CADPS: variants seen among roughly 807,000 people sequenced by gnomAD.
The protein encoded by CADPS is calcium dependent secretion activator, also known as calcium-dependent secretion activator 1.
A neutral mutation model predicts 167.3 loss-of-function variants in CADPS; 57 were observed. The ratio of observed to expected loss-of-function variants is 0.34; its 90% CI spans 0.28 to 0.42. The LOEUF (loss-of-function observed/expected upper bound fraction) is 0.42. CADPS is among the 20% of genes least tolerant of loss of function. CADPS has a pLI of 1.00. For synonymous variants in CADPS, 676 were observed against 635.3 expected (o/e 1.06, Z -0.96); for missense variants, 1,414 against 1,738.1 (o/e 0.81, Z 3.32).
At chr3:62,756,933 G>A (rs1165761672) in intron 2 of CADPS, among the ~76,000 whole-genome samples, 1 of 152,054 alleles carries the variant, frequency 6.6e-6, no homozygotes, top group Non-Finnish European at 1.5e-5. Context: ...GGGGATTAGG[G>A]TTGTTGGTCT....
chr3:62,614,696 T>C (rs833630), intron 6 of CADPS, among the ~76,000 whole-genome samples: 109,124 of 151,952 alleles, frequency 0.72, 40,077 homozygotes, highest in East Asian at 0.95. Context: ...TATATGCATA[T>C]AATGTGTACA....
intron 9 of CADPS, among the ~76,000 whole-genome samples, chr3:62,563,072 T>C (rs1447137905): frequency 6.6e-6 from 1 of 152,196 alleles, no homozygotes; most frequent in Non-Finnish European, 1.5e-5. Flanking sequence ...CTGGATCTAG[T>C]CATGACAGAA....
At chr3:62,797,307 T>C (rs1157864590) in intron 1 of CADPS, among the ~76,000 whole-genome samples, 1 of 152,122 alleles carries the variant, frequency 6.6e-6, no homozygotes, top group Non-Finnish European at 1.5e-5. Flanking sequence ...GGTGTTTGGT[T>C]TCCTCATGGG....
intron 1 of CADPS, among the ~76,000 whole-genome samples, chr3:62,771,570 G>A (rs2152543512): frequency 6.6e-6 from 1 of 152,104 alleles, no homozygotes; most frequent in Middle Eastern, 3.4e-3. Context: ...CAAACAAATG[G>A]GCTTTGATGA....
intron 6 of CADPS, among the ~76,000 whole-genome samples, chr3:62,609,993 G>A (rs2061270828): frequency 6.6e-6 from 1 of 152,094 alleles, no homozygotes. Flanking sequence ...GGGAGCTGAG[G>A]TGGGAGAATC....
At chr3:62,646,860 C>T (rs1325362998) in intron 5 of CADPS, among the ~76,000 whole-genome samples, 1 of 152,196 alleles carries the variant, frequency 6.6e-6, no homozygotes, top group African/African-American at 2.4e-5. Context: ...AAACTCTGTA[C>T]AGGCCAATAT....
At chr3:62,610,809 C>T (rs1375069249) in intron 6 of CADPS, among the ~76,000 whole-genome samples, 1 of 151,822 alleles carries the variant, frequency 6.6e-6, no homozygotes, top group East Asian at 1.9e-4. Context: ...CTCATCTCCT[C>T]TCTAAACCTT....
At chr3:62,851,912 A>C (rs1458379722) in intron 1 of CADPS, among the ~76,000 whole-genome samples, 60 of 151,104 alleles carry the variant, frequency 4.0e-4, no homozygotes, top group Middle Eastern at 6.8e-3. Context: ...TCAGGTACAC[A>C]AATCAGACGT....
At chr3:62,748,344 C>CAAAAAAAAAAAAAAAAAAAAAAA (rs60942307) in intron 3 of CADPS, among the ~76,000 whole-genome samples, 6 of 48,494 alleles carry the variant, frequency 1.2e-4, no homozygotes, top group African/African-American at 3.5e-4. Flanking sequence ...GACTCCGTCT[C>CAAAAAAAAAAAAAAAAAAAAAAA]AAAAAAAAAA....
At chr3:62,840,710 T>C (rs534052413) in intron 1 of CADPS, among the ~76,000 whole-genome samples, 31 of 152,274 alleles carry the variant, frequency 2.0e-4, no homozygotes, top group African/African-American at 7.0e-4. Context: ...GCAGTAATAC[T>C]TTTTATAAAA....
intron 28 of CADPS, among the ~76,000 whole-genome samples, chr3:62,424,074 T>C (rs1432843757): frequency 6.6e-6 from 1 of 152,210 alleles, no homozygotes; most frequent in African/African-American, 2.4e-5. Context: ...GCTTTCAGAA[T>C]GTGCTTTGGG....
intron 13 of CADPS, among the ~76,000 whole-genome samples, chr3:62,521,281 G>T (rs553690040): frequency 6.6e-6 from 1 of 152,260 alleles, no homozygotes; most frequent in Admixed American, 6.5e-5. Flanking sequence ...TTGATTCAGG[G>T]TTCCTGATTT....
chr3:62,795,325 A>G (rs1288730679), intron 1 of CADPS, among the ~76,000 whole-genome samples: 61 of 151,750 alleles, frequency 4.0e-4, no homozygotes, highest in Non-Finnish European at 8.8e-5. Context: ...CACATTTTCT[A>G]TTTCCCCAGA....
Position 62,536,490 on chromosome 3 carries a change from T to C in CADPS, c.2058A>G (p.Gln686=), listed in dbSNP as rs1561820519. 1 of 1,613,432 alleles carries C rather than the reference T, an allele frequency of 6.2e-7. No homozygotes were observed. The highest frequency in any genetic ancestry group is 2.2e-5 in the East Asian group (1 of 44,842). ...TAAGTCTGTGATCCAAAGTAAGGCG[T>C]TGTACCATCTCAAAGAGGGAAGCGT... is the stretch of plus-strand genomic sequence containing the variant. The part of the protein sequence containing the change: ...FDHASLFEMV[Q]RLTLDHRLND... The change falls in exon 12 of 30, where the codon CAA becomes CAG. Residue 686 remains glutamine (Q), a synonymous_variant. Transcript: ENST00000383710.
Position 62,399,207 on chromosome 3 carries a change from T to G in CADPS, c.*199A>C. ...GTGCTCCATATTGCTTGTAAACATA[T>G]AGACATGGACATCAGGAAATCAGTG... is the stretch of plus-strand genomic sequence containing the variant. On this transcript the variant is annotated 3_prime_UTR_variant, in exon 30 of 30. Transcript: ENST00000383710. The surrounding 1 kb of genome is among the most constrained non-coding windows in gnomAD (Gnocchi z 5.6). 1 of 561,352 alleles carries G rather than the reference T, an allele frequency of 1.8e-6. No individual in the cohort carries two copies. Among genetic ancestry groups the G allele is most frequent in the South Asian group, 2.2e-5 (1 of 45,198 alleles). 34.8% of individuals were successfully genotyped at this position (561,352 alleles called of 1,614,324 possible).
At chr3:62,732,800 G>A (rs993553246) in intron 3 of CADPS, among the ~76,000 whole-genome samples, 2 of 152,274 alleles carry the variant, frequency 1.3e-5, no homozygotes, top group East Asian at 3.9e-4. Context: ...TCTTATGGTG[G>A]AAACAAATAT....
intron 1 of CADPS, among the ~76,000 whole-genome samples, chr3:62,803,481 G>C (rs1263335796): frequency 1.3e-5 from 2 of 152,022 alleles, no homozygotes; most frequent in Non-Finnish European, 2.9e-5. Context: ...GGCATCTAGT[G>C]GGTAGAAGGC....
intron 21 of CADPS, among the ~76,000 whole-genome samples, chr3:62,484,338 G>A (rs1468817962): frequency 6.6e-6 from 1 of 152,162 alleles, no homozygotes; most frequent in Non-Finnish European, 1.5e-5. Flanking sequence ...TAATATACAT[G>A]TGAAAAGGGG....
chr3:62,589,921 AGCTCAT>A (rs755134761), intron 7 of CADPS, among the ~76,000 whole-genome samples: 2 of 152,052 alleles, frequency 1.3e-5, no homozygotes, highest in Admixed American at 1.3e-4. Context: ...TGGGTGCAGT[AGCTCAT>A]GCCTCTAATC....
Sources: allele counts gnomAD v4.1 joint callset (sites outside exome capture counted in the v4.1 genomes callset), GRCh38; gene constraint gnomAD v4.1.1; non-coding constraint Gnocchi (gnomAD v3.1); transcripts MANE v1.5; gene names NCBI Gene and HGNC (gene_info 2026-07-23, HGNC 2026-07-21).